The following BEAN1 variants were observed in gnomAD, a reference collection of about 807,000 sequenced individuals.
BEAN1 encodes protein BEAN1.
In BEAN1, 17 loss-of-function variants were observed where a neutral mutation model predicts 17.7. That is an observed-to-expected ratio of 0.96 (90% CI 0.66 to 1.44). The LOEUF (loss-of-function observed/expected upper bound fraction) is 1.44. BEAN1 is among the 40% of genes most tolerant of loss of function. BEAN1 has a pLI of 0.00. For synonymous variants in BEAN1, 142 were observed against 151.8 expected (o/e 0.94, Z 0.47); for missense variants, 359 against 374.1 (o/e 0.96, Z 0.33).
chr16:66,477,767 C>T (rs1027997476), intron 4 of BEAN1, 57 bp downstream of exon 4: 3 of 1,428,002 alleles, frequency 2.1e-6, no homozygotes, highest in Non-Finnish European at 2.8e-6. Flanking sequence ...GACACAAAGA[C>T]CCCCCAACTC....
chr16:66,431,668 TTGTG>T (rs891979134), intron 1 of BEAN1, among the ~76,000 whole-genome samples: 1 of 151,924 alleles, frequency 6.6e-6, no homozygotes, highest in East Asian at 1.9e-4. Context: ...CTACAAACTA[TTGTG>T]TGTGTGTGTT....
intron 2 of BEAN1, among the ~76,000 whole-genome samples, chr16:66,457,266 C>T (rs1037484513): frequency 4.6e-5 from 7 of 152,114 alleles, no homozygotes; most frequent in Admixed American, 2.6e-4. Context: ...GATAAGTGAA[C>T]GATTGAGTGG....
downstream of BEAN1, chr16:66,485,284 TCAGA>T (rs1486677485): frequency 2.7e-6 from 1 of 369,756 alleles, no homozygotes; most frequent in Non-Finnish European, 5.4e-6. Flanking sequence ...GGACATTTGC[TCAGA>T]CAGCTTTGGT....
chr16:66,482,567 A>T lies in BEAN1; in HGVS notation c.*1642A>T, dbSNP rs924063853. The T allele has an allele frequency of 8.3e-5, 25 of 300,204 alleles. No individual in the cohort carries two copies. The highest frequency in any genetic ancestry group is 5.0e-4 in the African/African-American group (22 of 43,902). The allele number at this position is 300,204 out of a possible 1,614,324, so 18.6% of individuals were successfully genotyped here. ...GTGGTGTACTGTTTTCTAGGCAAAA[A>T]ATATCTGTCTGTTGTACTGTATAGC... On this transcript the variant is annotated 3_prime_UTR_variant, in exon 5 of 5. Coordinates refer to ENST00000536005, the MANE Select transcript of BEAN1 (RefSeq NM_001178020.3).
At chr16:66,455,856 T>A (rs561397472) in intron 2 of BEAN1, among the ~76,000 whole-genome samples, 1 of 152,214 alleles carries the variant, frequency 6.6e-6, no homozygotes, top group African/African-American at 2.4e-5. Context: ...CCAACTAATT[T>A]TGGTATTTTT....
At chr16:66,432,423 G>C (rs1406702368) in intron 1 of BEAN1, among the ~76,000 whole-genome samples, 1 of 152,224 alleles carries the variant, frequency 6.6e-6, no homozygotes, top group African/African-American at 2.4e-5. Context: ...CCCCTGCCTT[G>C]GTGAGGCAGA....
intron 2 of BEAN1, among the ~76,000 whole-genome samples, chr16:66,444,786 C>T (rs1312273663): frequency 2.0e-5 from 3 of 152,088 alleles, no homozygotes; most frequent in Non-Finnish European, 4.4e-5. Flanking sequence ...CTGCCATGAG[C>T]GGGAGGTGGG....
At chr16:66,436,048 G>A (rs954209551) in intron 1 of BEAN1, among the ~76,000 whole-genome samples, 1 of 152,130 alleles carries the variant, frequency 6.6e-6, no homozygotes, top group Non-Finnish European at 1.5e-5. Context: ...CTTTAGGGCT[G>A]CCAGCTATGC....
chr16:66,477,859 A>C, intron 4 of BEAN1, 149 bp downstream of exon 4: 1 of 852,884 alleles, frequency 1.2e-6, no homozygotes, highest in Non-Finnish European at 1.7e-6. Context: ...CCTCCTCCCC[A>C]CTCCTGACCA....
In BEAN1 at chr16:66,443,976, C is replaced by T. The variant is rs74248463; in HGVS notation, c.25+6275C>T. Among the ~76,000 whole-genome samples, 807 of 152,216 alleles carry T rather than the reference C, an allele frequency of 5.3e-3. 24 individuals are homozygous for T. The East Asian group carries it at 0.081, about 15-fold the overall frequency. The stretch of plus-strand genomic sequence containing the variant: ...CAGGCATGAGCCACTGCACCCAGCC[C>T]GCTCATCTTAATTTTCAGTGCACAA... On this transcript the variant is annotated intron_variant, in intron 2 of 4. Transcript: ENST00000536005.
intron 2 of BEAN1, chr16:66,451,302 T>C (rs995340786): frequency 7.2e-5 from 11 of 152,300 alleles, no homozygotes; most frequent in African/African-American, 2.7e-4. Flanking sequence ...AAATGATGAA[T>C]ATATTTAGAG....
intron 4 of BEAN1, among the ~76,000 whole-genome samples, chr16:66,491,521 T>C (rs1248232783): frequency 6.6e-6 from 1 of 152,166 alleles, no homozygotes; most frequent in Non-Finnish European, 1.5e-5. Context: ...AAGAGACAGA[T>C]GCAACTTATC....
chr16:66,460,156 G>A (rs1172339702), intron 2 of BEAN1, among the ~76,000 whole-genome samples: 2 of 152,210 alleles, frequency 1.3e-5, no homozygotes, highest in Non-Finnish European at 2.9e-5. Context: ...CCCTCCTGGT[G>A]TTCTCAGTCC....
chr16:66,486,876 T>TCAGGCGGAGAGTGGTTGCTAAGCAGGGC (rs1458700635), downstream of BEAN1, among the ~76,000 whole-genome samples: 22 of 151,980 alleles, frequency 1.4e-4, no homozygotes, highest in Non-Finnish European at 2.9e-4. Context: ...TGGGGCAGGG[T>TCAGGCGGAGAGTGGTTGCTAAGCAGGGC]CAGGCGGAGA....
chr16:66,469,958 G>A, intron 3 of BEAN1, 93 bp downstream of exon 3: 7 of 1,446,324 alleles, frequency 4.8e-6, no homozygotes, highest in Non-Finnish European at 6.4e-6. Context: ...TGCCCTGGGT[G>A]GAGCAGGGTG....
intron 4 of BEAN1, among the ~76,000 whole-genome samples, chr16:66,492,105 G>C (rs976579087): frequency 2.0e-5 from 3 of 151,614 alleles, no homozygotes; most frequent in Non-Finnish European, 4.4e-5. Flanking sequence ...ACAGTGGCGC[G>C]ATCTTGGCTC....
At chr16:66,463,220 C>T (rs1379778875) in intron 2 of BEAN1, among the ~76,000 whole-genome samples, 3 of 152,208 alleles carry the variant, frequency 2.0e-5, no homozygotes, top group Non-Finnish European at 2.9e-5. Flanking sequence ...AACTGCCAGT[C>T]TGTGTTCACA....
In BEAN1 at chr16:66,480,587, T is replaced by C; in HGVS notation, c.442T>C (p.Tyr148His). ...CTGAGGGAGCCTCTTCTCTCGTAGC[T>C]ACGAGGAGTGTGTGGGGCCAGGGGC... is the stretch of plus-strand genomic sequence containing the variant. The part of the protein sequence containing the change: ...RELYPDSPPG[Y>H]EECVGPGATQ... The change falls in exon 5 of 5, where the codon TAC (tyrosine) becomes CAC (histidine). Residue 148 changes from tyrosine (Y) to histidine (H), a missense_variant and splice_region_variant. Transcript: ENST00000536005. 6.5e-7 allele frequency: 1 copy of C among 1,532,960 alleles called. No individual in the cohort carries two copies. The highest frequency in any genetic ancestry group is 8.8e-7 in the Non-Finnish European group (1 of 1,133,562). 95.0% of individuals were successfully genotyped at this position (1,532,960 alleles called of 1,614,324 possible).
chr16:66,437,887 C>T (rs1014872335), intron 2 of BEAN1, 186 bp downstream of exon 2: 29 of 766,330 alleles, frequency 3.8e-5, no homozygotes, highest in Non-Finnish European at 5.9e-5. Flanking sequence ...AAGATGCTCC[C>T]TGAGAACTGA....
Sources: allele counts gnomAD v4.1 joint callset (sites outside exome capture counted in the v4.1 genomes callset), GRCh38; gene constraint gnomAD v4.1.1; transcripts MANE v1.5; gene names NCBI Gene and HGNC (gene_info 2026-07-23, HGNC 2026-07-21).